UNC45A: variants seen among roughly 807,000 people sequenced by gnomAD.
UNC45A encodes the protein protein unc-45 homolog A.
A neutral mutation model predicts 103.2 loss-of-function variants in UNC45A; 78 were observed. That is an observed-to-expected ratio of 0.76 (90% CI 0.63 to 0.91). The LOEUF (loss-of-function observed/expected upper bound fraction) is 0.91, where lower values mean the gene tolerates loss of function less well. Ranked by LOEUF, UNC45A falls within the 40% of genes least tolerant of loss-of-function variation. The pLI is 0.00. For synonymous variants in UNC45A, 495 were observed against 504.6 expected (o/e 0.98, Z 0.25); for missense variants, 1,193 against 1,224.8 (o/e 0.97, Z 0.39).
At chr15:90,936,017 G>A (rs1288364136) in intron 3 of UNC45A, 35 bp downstream of exon 3, 6 of 1,612,686 alleles carry the variant, frequency 3.7e-6, no homozygotes, top group Non-Finnish European at 5.1e-6. Context: ...TGGAGCTGTA[G>A]GGCTTCTGTG....
At chr15:90,945,679 T>G (rs973136207) in intron 9 of UNC45A, among the ~76,000 whole-genome samples, 4 of 149,434 alleles carry the variant, frequency 2.7e-5, no homozygotes, top group African/African-American at 1.0e-4. Flanking sequence ...TTGCCCAGGC[T>G]GGAGTACAAT....
chr15:90,948,610 C>T (rs2036706756), intron 12 of UNC45A, 44 bp from the exon 13 acceptor site: 1 of 1,605,140 alleles, frequency 6.2e-7, no homozygotes. Flanking sequence ...CTGAGTACTG[C>T]TCTGCCCCGG....
chr15:90,935,647 C>T lies in UNC45A; in HGVS notation c.155C>T (p.Ala52Val). ...TACACTCAGGCCCTGGGTCTGGACG[C>T]GACGCCCCAGGACCAGGCCGTTCTG... ...AAYTQALGLD[A>V]TPQDQAVLHR... The change falls in exon 2 of 20, where the codon GCG (alanine) becomes GTG (valine). Residue 52 changes from alanine to valine, a missense_variant. Transcript: ENST00000418476. 1.9e-6 allele frequency: 3 copies of T among 1,610,726 alleles called. No individual in the cohort carries two copies. The highest frequency in any genetic ancestry group is 2.5e-6 in the Non-Finnish European group (3 of 1,178,546).
intron 4 of UNC45A, among the ~76,000 whole-genome samples, chr15:90,936,664 A>C (rs1310332444): frequency 1.3e-5 from 2 of 152,234 alleles, no homozygotes; most frequent in African/African-American, 4.8e-5. Flanking sequence ...ACACTTTTCG[A>C]GAAGGAGAGA....
In UNC45A at chr15:90,935,666, C is replaced by T. The variant is rs2035973217; in HGVS notation, c.174C>T (p.Ala58=). 6.3e-7 allele frequency: 1 copy of T among 1,586,620 alleles called. No individual in the cohort carries two copies. Among genetic ancestry groups the T allele is most frequent in the Non-Finnish European group, 8.6e-7 (1 of 1,168,874 alleles). ...LGLDATPQDQ[A]VLHRNRAACH... is the part of the protein sequence containing the mutation. ...TGGACGCGACGCCCCAGGACCAGGCCGTTCTGCACCGGAACCGGGCCGCCT... is the reference window on the plus strand; with the variant it reads ...TGGACGCGACGCCCCAGGACCAGGCTGTTCTGCACCGGAACCGGGCCGCCT... Residue 58 remains alanine (A), a synonymous_variant, in exon 2 of 20, where the codon GCC becomes GCT. Transcript: ENST00000418476.
At chr15:90,947,387 C>G (rs558114539) in intron 10 of UNC45A, 1 of 263,676 alleles carries the variant, frequency 3.8e-6, no homozygotes, top group Admixed American at 4.7e-5. Flanking sequence ...TGGTCTTCCT[C>G]CCTGGGGCAC....
chr15:90,949,591 G>A, intron 14 of UNC45A, 63 bp from the exon 15 acceptor site: 2 of 1,609,756 alleles, frequency 1.2e-6, no homozygotes, highest in African/African-American at 1.3e-5. Flanking sequence ...CTGAGCCTAG[G>A]AGTGCAGCGT....
At chr15:90,933,053 A>G (rs2035860390), upstream of UNC45A, 1 of 152,506 alleles carries the variant, frequency 6.6e-6, no homozygotes, top group African/African-American at 2.4e-5. Context: ...TTCTGTGGGC[A>G]GGGGAGTCTA....
rs2151362254 is a variant in UNC45A at position 90,942,561 on chromosome 15, G to T, written c.812G>T (p.Gly271Val). ...LQVMFDALKE[G>V]VKKGFRGKEG... is the part of the protein sequence containing the mutation. ...GTTATGTTTGATGCCCTCAAGGAAG[G>T]TGTCAAAAAAGGCTTCCGAGGCAAA... Residue 271 changes from glycine to valine, a missense_variant, in exon 7 of 20, where the codon GGT becomes GTT. Physicochemically the swap from Gly to Val is moderately radical, Grantham distance 109. Coordinates refer to ENST00000418476, the MANE Select transcript of UNC45A (RefSeq NM_018671.5). The T allele has an allele frequency of 5.0e-6, 8 of 1,614,182 alleles. No homozygotes were observed. Among genetic ancestry groups the T allele is most frequent in the South Asian group, 1.1e-5 (1 of 91,084 alleles).
rs1331938596 is a variant in UNC45A at position 90,944,068 on chromosome 15, TC to T, written c.1028-823del. ...AGAGGAAAAAATAACGGTAGATATA[TC>T]AATTCATCTCTCTTTTCCCCTAAAA... On this transcript the variant is annotated intron_variant, in intron 8 of 19. Coordinates refer to ENST00000418476, the MANE Select transcript of UNC45A (RefSeq NM_018671.5). 4.9e-5 allele frequency among the ~76,000 whole-genome samples: 7 copies of T among 143,056 alleles called. No homozygotes were observed. In the East Asian group the frequency reaches 1.5e-3, roughly 31 times the overall value. 93.9% of individuals were successfully genotyped at this position (143,056 alleles called of 152,430 possible). A position where few individuals can be genotyped will look rare whatever the true frequency, so the allele number is the denominator to read the frequency against.
At position 90,943,048 on chromosome 15, in the gene UNC45A, C is replaced by T; in HGVS notation, c.993C>T (p.Pro331=). ...KAVPRKSLKD[P]NNSLTLWVID... ...TGCCCCGGAAGTCTCTCAAGGACCC[C>T]AACAACAGCCTCACCCTCTGGGTCA... is the stretch of plus-strand genomic sequence containing the variant. Residue 331 remains proline, a synonymous_variant, in exon 8 of 20, where the codon CCC becomes CCT. Transcript: ENST00000418476. 6.2e-7 allele frequency: 1 copy of T among 1,613,992 alleles called. No homozygotes were observed.
At chr15:90,936,189 C>G (rs773228435) in intron 3 of UNC45A, 96 bp from the exon 4 acceptor site, 51 of 1,535,394 alleles carry the variant, frequency 3.3e-5, no homozygotes, top group Admixed American at 1.7e-4. Context: ...TCGTCCCCCC[C>G]ACCTTCTTCT....
upstream of UNC45A, chr15:90,932,534 A>T: frequency 3.9e-6 from 5 of 1,267,422 alleles, no homozygotes; most frequent in Non-Finnish European, 5.0e-6. Context: ...GCCGCCTCAG[A>T]GCCCATCGCG....
At position 90,945,014 on chromosome 15, in the gene UNC45A, T is replaced by G; in HGVS notation, c.1150T>G (p.Cys384Gly). Residue 384 changes from cysteine to glycine, a missense_variant, in exon 9 of 20, where the codon TGT becomes GGT. Coordinates refer to ENST00000418476, the MANE Select transcript of UNC45A (RefSeq NM_018671.5). ...CAGCAAGCTCTTTGATGACCTCAAGTGTGATGCGGAGAGGGAGAATTTCCA... is the reference window on the plus strand; with the variant it reads ...CAGCAAGCTCTTTGATGACCTCAAGGGTGATGCGGAGAGGGAGAATTTCCA... Reference protein sequence around the residue: ...LLSKLFDDLKCDAERENFHRL... With the variant: ...LLSKLFDDLKGDAERENFHRL... 1 of 1,613,088 alleles carries G rather than the reference T, an allele frequency of 6.2e-7. No homozygotes were observed. The highest frequency in any genetic ancestry group is 2.2e-5 in the East Asian group (1 of 44,892).
intron 7 of UNC45A, 95 bp from the exon 8 acceptor site, chr15:90,942,817 C>A (rs1045344363): frequency 1.2e-5 from 18 of 1,515,836 alleles, no homozygotes; most frequent in Non-Finnish European, 1.5e-5. Flanking sequence ...GCGGATCCCC[C>A]CTTCCCTGTG....
chr15:90,935,026 T>C (rs1459348506), upstream of UNC45A: 3 of 560,906 alleles, frequency 5.3e-6, no homozygotes, highest in Non-Finnish European at 9.4e-6. Flanking sequence ...GCACTTCTGC[T>C]GCGGTCGGGG....
upstream of UNC45A, chr15:90,932,399 C>T (rs1453750861): frequency 3.9e-6 from 5 of 1,284,164 alleles, no homozygotes; most frequent in South Asian, 6.0e-5. Flanking sequence ...CCAGGTGCCG[C>T]AGCCGGCGCT....
At position 90,942,431 on chromosome 15, in the gene UNC45A, C is replaced by A. The variant is rs755272003; in HGVS notation, c.688-6C>A. ...AGCTTCCTTCTGTTTACCTCTCCCACCCCAGACAGTGGCAACCCTGAGCAT... is the reference window on the plus strand; with the variant it reads ...AGCTTCCTTCTGTTTACCTCTCCCAACCCAGACAGTGGCAACCCTGAGCAT... On this transcript the variant is annotated splice_region_variant and splice_polypyrimidine_tract_variant and intron_variant, in intron 6 of 19. Transcript: ENST00000418476. 2 of 1,604,646 alleles carry A rather than the reference C, an allele frequency of 1.2e-6. No individual in the cohort carries two copies. Among genetic ancestry groups the A allele is most frequent in the Non-Finnish European group, 8.5e-7 (1 of 1,174,220 alleles).
intron 13 of UNC45A, 80 bp downstream of exon 13, chr15:90,948,874 C>CT: frequency 3.8e-6 from 5 of 1,300,020 alleles, no homozygotes; most frequent in South Asian, 3.3e-5. Context: ...GAACAACCTC[C>CT]CTTTTTTTTT....
Sources: allele counts gnomAD v4.1 joint callset (sites outside exome capture counted in the v4.1 genomes callset), GRCh38; gene constraint gnomAD v4.1.1; transcripts MANE v1.5; gene names NCBI Gene and HGNC (gene_info 2026-07-23, HGNC 2026-07-21).